The following SPATA31F1 variants were observed in gnomAD, a reference collection of about 807,000 sequenced individuals.
SPATA31F1 encodes protein SPATA31F1.
the SPATA31F1 span, among the ~76,000 whole-genome samples, chr9:34,727,823 C>T: frequency 6.6e-6 from 1 of 152,174 alleles, no homozygotes; most frequent in Middle Eastern, 3.2e-3. Flanking sequence ...TAGCACAGAA[C>T]TGAACTGGGC....
chr9:34,727,977 T>C, the SPATA31F1 span: 5 of 1,533,898 alleles, frequency 3.3e-6, no homozygotes, highest in Non-Finnish European at 3.5e-6. Context: ...GAAATCATCA[T>C]AGGCCAGGCT....
chr9:34,725,013 C>T, the SPATA31F1 span: 1 of 1,552,034 alleles, frequency 6.4e-7, no homozygotes, highest in Non-Finnish European at 8.7e-7. Flanking sequence ...TGATCAAGGG[C>T]CGTTGGCATC....
chr9:34,727,189 G>T, the SPATA31F1 span, among the ~76,000 whole-genome samples: 4 of 152,252 alleles, frequency 2.6e-5, no homozygotes, highest in Non-Finnish European at 5.9e-5. Flanking sequence ...TCTGGAGCTT[G>T]TTGGGCAAGG....
the SPATA31F1 span, chr9:34,724,313 T>G: frequency 3.2e-6 from 5 of 1,551,450 alleles, no homozygotes; most frequent in East Asian, 1.2e-4. Flanking sequence ...GGATTGCTTT[T>G]GGTTCTGCTG....
chr9:34,727,914 G>T, the SPATA31F1 span: 1 of 1,029,960 alleles, frequency 9.7e-7, no homozygotes, highest in Non-Finnish European at 1.4e-6. Context: ...CACTGTGTAT[G>T]TCTCCCTCCC....
At chr9:34,728,180 G>C in the SPATA31F1 span, 1 of 1,121,618 alleles carries the variant, frequency 8.9e-7, no homozygotes, top group Non-Finnish European at 1.3e-6. Context: ...ATCAAGAAAA[G>C]ACTACAATCC....
chr9:34,724,741 T>C, the SPATA31F1 span: 2 of 1,551,746 alleles, frequency 1.3e-6, no homozygotes, highest in Non-Finnish European at 1.7e-6. Flanking sequence ...TTATACACTG[T>C]TCTTCAAATG....
At chr9:34,726,661 G>A in the SPATA31F1 span, 4 of 1,551,748 alleles carry the variant, frequency 2.6e-6, no homozygotes, top group Non-Finnish European at 3.5e-6. Context: ...AATCTTGTAT[G>A]CCATCTGCAT....
the SPATA31F1 span, chr9:34,724,769 G>T: frequency 5.2e-6 from 8 of 1,551,586 alleles, no homozygotes; most frequent in African/African-American, 1.1e-4. Flanking sequence ...CTGAATCAGA[G>T]GCTCTGCTGG....
chr9:34,728,585 T>A, the SPATA31F1 span: 1 of 1,548,808 alleles, frequency 6.5e-7, no homozygotes, highest in South Asian at 1.2e-5. Flanking sequence ...TGGAAGGGAG[T>A]CAGAGGAGAG....
At chr9:34,723,547 A>C in the SPATA31F1 span, 7 of 1,551,802 alleles carry the variant, frequency 4.5e-6, no homozygotes, top group Non-Finnish European at 6.1e-6. Context: ...TGGAGTCCTC[A>C]TGCCCTTTGC....
At chr9:34,728,217 C>G in the SPATA31F1 span, 1 of 710,728 alleles carries the variant, frequency 1.4e-6, no homozygotes, top group African/African-American at 1.8e-5. Flanking sequence ...TAAGGCATGT[C>G]TGAGTACAGC....
chr9:34,724,715 G>A, the SPATA31F1 span: 30 of 1,551,236 alleles, frequency 1.9e-5, no homozygotes, highest in Non-Finnish European at 2.5e-5. Flanking sequence ...GTTGCCTTGA[G>A]GGCATGGCCC....
At chr9:34,729,285 C>T in the SPATA31F1 span, 139 of 1,551,744 alleles carry the variant, frequency 9.0e-5, no homozygotes, top group Admixed American at 1.3e-3. Flanking sequence ...CAGCCCTACC[C>T]GGCAGCAGCT....
At chr9:34,724,313 T>C in the SPATA31F1 span, 14 of 1,551,332 alleles carry the variant, frequency 9.0e-6, no homozygotes, top group Non-Finnish European at 1.2e-5. Context: ...GGATTGCTTT[T>C]GGTTCTGCTG....
the SPATA31F1 span, chr9:34,726,509 A>C: frequency 6.4e-7 from 1 of 1,551,716 alleles, no homozygotes; most frequent in Admixed American, 2.0e-5. Context: ...TCCCTGGACA[A>C]GGCTGGGGTT....
At chr9:34,727,279 A>T in the SPATA31F1 span, among the ~76,000 whole-genome samples, 1 of 152,216 alleles carries the variant, frequency 6.6e-6, no homozygotes, top group Non-Finnish European at 1.5e-5. Context: ...CTTGTTGAAA[A>T]GCTGAACTAG....
At chr9:34,728,138 T>C in the SPATA31F1 span, 1 of 1,500,300 alleles carries the variant, frequency 6.7e-7, no homozygotes. Context: ...AGGCATCCTA[T>C]AGGAAGCTGA....
the SPATA31F1 span, chr9:34,725,617 G>T: frequency 6.5e-7 from 1 of 1,527,662 alleles, no homozygotes; most frequent in Non-Finnish European, 8.9e-7. Context: ...GAGACCTCTG[G>T]AGGGCAGCTG....
Sources: allele counts gnomAD v4.1 joint callset (sites outside exome capture counted in the v4.1 genomes callset), GRCh38; gene constraint gnomAD v4.1.1; transcripts MANE v1.5; gene names NCBI Gene and HGNC (gene_info 2026-07-23, HGNC 2026-07-21).